The following NOPCHAP1 variants were observed in gnomAD, a reference collection of about 807,000 sequenced individuals.
NOPCHAP1 encodes NOP protein chaperone 1, also known as DNA damage-sensitive RNA 1.
NOPCHAP1 carries 13 observed loss-of-function variants against 14.0 expected under a neutral mutation model. The ratio of observed to expected loss-of-function variants is 0.93; its 90% CI spans 0.60 to 1.47. The LOEUF is 1.47. Among genes scored for constraint, NOPCHAP1 ranks in the 40% most tolerant of loss-of-function variants. The pLI, the probability that NOPCHAP1 is intolerant of heterozygous loss-of-function variation, is 0.00. For synonymous variants in NOPCHAP1, 78 were observed against 78.4 expected (o/e 1.00, Z 0.03); for missense variants, 230 against 226.9 (o/e 1.01, Z -0.09).
At position 105,007,998 on chromosome 12, in the gene NOPCHAP1, T is replaced by C. The variant is rs1428775773; in HGVS notation, c.*13302T>C. On this transcript the variant is annotated 3_prime_UTR_variant, in exon 4 of 4. Coordinates refer to ENST00000552951, the MANE Select transcript of NOPCHAP1 (RefSeq NM_152318.3). ...GTCTTTATAGTAGAATGATTTATAA[T>C]CCTTTGGATATATACCCAGTAATGG... 7 of 152,230 alleles carry C rather than the reference T, an allele frequency of 4.6e-5. No homozygotes were observed. Among genetic ancestry groups the C allele is most frequent in the African/African-American group, 1.7e-4 (7 of 41,458 alleles). 9.4% of individuals were successfully genotyped at this position (152,230 alleles called of 1,614,324 possible). A position where few individuals can be genotyped will look rare whatever the true frequency, so the allele number is the denominator to read the frequency against.
At chr12:104,989,570 G>T (rs1873327080) in intron 2 of NOPCHAP1, among the ~76,000 whole-genome samples, 1 of 152,106 alleles carries the variant, frequency 6.6e-6, no homozygotes, top group African/African-American at 2.4e-5. Context: ...TTCATTACTG[G>T]TTTTTACCGA....
chr12:104,996,577 A>T lies in NOPCHAP1; in HGVS notation c.*1881A>T, dbSNP rs950192698. 1 of 152,000 alleles carries T rather than the reference A, an allele frequency of 6.6e-6. No individual in the cohort carries two copies. The highest frequency in any genetic ancestry group is 6.6e-5 in the Admixed American group (1 of 15,264). The allele number at this position is 152,000 out of a possible 1,614,324, so 9.4% of individuals were successfully genotyped here. A position where few individuals can be genotyped will look rare whatever the true frequency, so the allele number is the denominator to read the frequency against. On this transcript the variant is annotated 3_prime_UTR_variant, in exon 4 of 4. Transcript: ENST00000552951. ...GGTTCCCTTCTTTGCATCCATGTGTACTCAACGTTTAGCTCCCACTAATAA... is the reference window on the plus strand; with the variant it reads ...GGTTCCCTTCTTTGCATCCATGTGTTCTCAACGTTTAGCTCCCACTAATAA...
intron 2 of NOPCHAP1, among the ~76,000 whole-genome samples, chr12:104,989,952 TC>T (rs1873335994): frequency 6.6e-6 from 1 of 152,228 alleles, no homozygotes; most frequent in South Asian, 2.1e-4. Context: ...ACTGTTTACA[TC>T]TTTTTTTCTT....
chr12:105,008,093 T>C lies in NOPCHAP1; in HGVS notation c.*13397T>C, dbSNP rs1440752135. Reference sequence around the variant, plus strand: ...ATTGCCACACTGTCTTCCACAATGGTTGAACTAATTTACAATCCCACCAAC... The same window carrying C: ...ATTGCCACACTGTCTTCCACAATGGCTGAACTAATTTACAATCCCACCAAC... On this transcript the variant is annotated 3_prime_UTR_variant, in exon 4 of 4. Transcript: ENST00000552951. The C allele has an allele frequency of 6.6e-6, 1 of 152,194 alleles. No individual in the cohort carries two copies. Among genetic ancestry groups the C allele is most frequent in the African/African-American group, 2.4e-5 (1 of 41,464 alleles). The allele number at this position is 152,194 out of a possible 1,614,324, so 9.4% of individuals were successfully genotyped here.
intron 3 of NOPCHAP1, among the ~76,000 whole-genome samples, chr12:104,992,870 G>A (rs1390856618): frequency 6.6e-6 from 1 of 152,138 alleles, no homozygotes; most frequent in Admixed American, 6.5e-5. Flanking sequence ...CAAGGTCCGT[G>A]GAAGAATTTT....
chr12:104,994,977 G>C lies in NOPCHAP1; in HGVS notation c.*281G>C, dbSNP rs1873468325. 2.6e-6 allele frequency: 1 copy of C among 378,534 alleles called. No individual in the cohort carries two copies. 23.4% of individuals were successfully genotyped at this position (378,534 alleles called of 1,614,324 possible). A position where few individuals can be genotyped will look rare whatever the true frequency, so the allele number is the denominator to read the frequency against. On this transcript the variant is annotated 3_prime_UTR_variant, in exon 4 of 4. Transcript: ENST00000552951. ...AGTAGAGTACAGGAATAACTTGATG[G>C]GTTACAGCTAGGTGTTTGCCTAAAT...
Position 104,994,452 on chromosome 12 carries a change from G to C in NOPCHAP1, c.340-26G>C, listed in dbSNP as rs754734271. On this transcript the variant is annotated intron_variant, in intron 3 of 3. Coordinates refer to ENST00000552951, the MANE Select transcript of NOPCHAP1 (RefSeq NM_152318.3). The stretch of plus-strand genomic sequence containing the variant: ...CTTTTTAAGGAACTGCTCTGAAATA[G>C]ATTTCCTGTCCACTACTTTTTGCAG... 3 of 1,592,652 alleles carry C rather than the reference G, an allele frequency of 1.9e-6. No homozygotes were observed. In the South Asian group the frequency reaches 3.3e-5, roughly 18 times the overall value.
chr12:104,997,784 C>T lies in NOPCHAP1; in HGVS notation c.*3088C>T, dbSNP rs569899404. On this transcript the variant is annotated 3_prime_UTR_variant, in exon 4 of 4. Transcript: ENST00000552951. Reference sequence around the variant, plus strand: ...TGGGGAAGTTTTCATCAGCGATATCCTGAAATATGTTTTCAAAGTTGCTTG... The same window carrying T: ...TGGGGAAGTTTTCATCAGCGATATCTTGAAATATGTTTTCAAAGTTGCTTG... 3.3e-4 allele frequency: 50 copies of T among 152,306 alleles called. No homozygotes were observed. The highest frequency in any genetic ancestry group is 1.2e-3 in the African/African-American group (50 of 41,570). 9.4% of individuals were successfully genotyped at this position (152,306 alleles called of 1,614,324 possible). A position where few individuals can be genotyped will look rare whatever the true frequency, so the allele number is the denominator to read the frequency against.
Position 105,005,285 on chromosome 12 carries a change from TCA to T in NOPCHAP1, c.*10592_*10593del, listed in dbSNP as rs1286448194. ...AGATTTGTTGAAATGAAAGTACACT[TCA>T]CAGAGTGGGAGCAGGCTCAAGCAAG... On this transcript the variant is annotated 3_prime_UTR_variant, in exon 4 of 4. Coordinates refer to ENST00000552951, the MANE Select transcript of NOPCHAP1 (RefSeq NM_152318.3). 6.6e-6 allele frequency: 1 copy of T among 152,250 alleles called. No individual in the cohort carries two copies. The highest frequency in any genetic ancestry group is 1.5e-5 in the Non-Finnish European group (1 of 68,046). 9.4% of individuals were successfully genotyped at this position (152,250 alleles called of 1,614,324 possible).
At position 105,016,792 on chromosome 12, in the gene NOPCHAP1, C is replaced by G. The variant is rs142619550; in HGVS notation, c.*22096C>G. ...AGATGAGATTTGGGTGGGGACACAG[C>G]CAAAACATATCAGTATGTTATGGCC... On this transcript the variant is annotated 3_prime_UTR_variant, in exon 4 of 4. Transcript: ENST00000552951. The G allele has an allele frequency of 6.6e-6, 1 of 152,100 alleles. No homozygotes were observed. Among genetic ancestry groups the G allele is most frequent in the Non-Finnish European group, 1.5e-5 (1 of 68,032 alleles). The allele number at this position is 152,100 out of a possible 1,614,324, so 9.4% of individuals were successfully genotyped here. A position where few individuals can be genotyped will look rare whatever the true frequency, so the allele number is the denominator to read the frequency against.
rs1204226187 is a variant in NOPCHAP1, at chr12:104,997,421, C to T, written c.*2725C>T. On this transcript the variant is annotated 3_prime_UTR_variant, in exon 4 of 4. Coordinates refer to ENST00000552951, the MANE Select transcript of NOPCHAP1 (RefSeq NM_152318.3). ...GAATGCTGAGGGTGTGGCACACCAG[C>T]ATGGCACATGTATACATATGTAACT... 1 of 152,182 alleles carries T rather than the reference C, an allele frequency of 6.6e-6. No individual in the cohort carries two copies. Among genetic ancestry groups the T allele is most frequent in the Non-Finnish European group, 1.5e-5 (1 of 68,042 alleles). 9.4% of individuals were successfully genotyped at this position (152,182 alleles called of 1,614,324 possible). A position where few individuals can be genotyped will look rare whatever the true frequency, so the allele number is the denominator to read the frequency against.
chr12:104,988,564 G>C (rs1166621614), intron 2 of NOPCHAP1, among the ~76,000 whole-genome samples: 3 of 152,084 alleles, frequency 2.0e-5, no homozygotes, highest in Non-Finnish European at 2.9e-5. Context: ...ATATATGGAT[G>C]GAAAACCACA....
At position 105,000,279 on chromosome 12, in the gene NOPCHAP1, A is replaced by C. The variant is rs1014830177; in HGVS notation, c.*5583A>C. ...CCTTTCAGTGAGTGTAGGCAAGCAA[A>C]TAGCAGTGACATTTAGAACATCAAG... On this transcript the variant is annotated 3_prime_UTR_variant, in exon 4 of 4. Coordinates refer to ENST00000552951, the MANE Select transcript of NOPCHAP1 (RefSeq NM_152318.3). The C allele has an allele frequency of 6.6e-6, 1 of 152,114 alleles. No homozygotes were observed. The highest frequency in any genetic ancestry group is 2.1e-4 in the South Asian group (1 of 4,824). The allele number at this position is 152,114 out of a possible 1,614,324, so 9.4% of individuals were successfully genotyped here. A position where few individuals can be genotyped will look rare whatever the true frequency, so the allele number is the denominator to read the frequency against.
Position 105,004,354 on chromosome 12 carries a change from A to T in NOPCHAP1, c.*9658A>T, listed in dbSNP as rs1873666993. ...GGGAGGCCAAGGTGGGCAGATCACG[A>T]GGTCAGGAGTTTGAGACCTGCCTGG... On this transcript the variant is annotated 3_prime_UTR_variant, in exon 4 of 4. Transcript: ENST00000552951. 6.6e-6 allele frequency: 1 copy of T among 152,164 alleles called. No homozygotes were observed. The allele number at this position is 152,164 out of a possible 1,614,324, so 9.4% of individuals were successfully genotyped here.
rs1283975335 is a variant in NOPCHAP1 at position 105,005,805 on chromosome 12, C to T, written c.*11109C>T. ...ATGTCTATACAGTACCAATCTTCTA[C>T]CATTTGCTTTAGTTTTAGTGTGTGT... is the stretch of plus-strand genomic sequence containing the variant. On this transcript the variant is annotated 3_prime_UTR_variant, in exon 4 of 4. Transcript: ENST00000552951. 1 of 152,222 alleles carries T rather than the reference C, an allele frequency of 6.6e-6. No individual in the cohort carries two copies. Among genetic ancestry groups the T allele is most frequent in the African/African-American group, 2.4e-5 (1 of 41,452 alleles). The allele number at this position is 152,222 out of a possible 1,614,324, so 9.4% of individuals were successfully genotyped here.
At chr12:104,988,382 G>A (rs1873294331) in intron 2 of NOPCHAP1, 129 bp downstream of exon 2, 1 of 599,964 alleles carries the variant, frequency 1.7e-6, no homozygotes, top group Non-Finnish European at 2.9e-6. Flanking sequence ...TCCTACTTGG[G>A]ATTTACATGA....
chr12:105,006,189 A>G lies in NOPCHAP1; in HGVS notation c.*11493A>G, dbSNP rs1348856133. ...TCTGGACACAGTTTTTTTCAGCACAAATTTATTGTTTCAGGCTTGATGGCT... is the reference window on the plus strand; with the variant it reads ...TCTGGACACAGTTTTTTTCAGCACAGATTTATTGTTTCAGGCTTGATGGCT... On this transcript the variant is annotated 3_prime_UTR_variant, in exon 4 of 4. Transcript: ENST00000552951. 6.6e-6 allele frequency: 1 copy of G among 152,112 alleles called. No individual in the cohort carries two copies. Among genetic ancestry groups the G allele is most frequent in the Non-Finnish European group, 1.5e-5 (1 of 68,006 alleles). 9.4% of individuals were successfully genotyped at this position (152,112 alleles called of 1,614,324 possible).
rs751312189 is a variant in NOPCHAP1, at chr12:104,994,449, A to G, written c.340-29A>G. On this transcript the variant is annotated intron_variant, in intron 3 of 3. Coordinates refer to ENST00000552951, the MANE Select transcript of NOPCHAP1 (RefSeq NM_152318.3). ...CGACTTTTTAAGGAACTGCTCTGAA[A>G]TAGATTTCCTGTCCACTACTTTTTG... 13 of 1,586,810 alleles carry G rather than the reference A, an allele frequency of 8.2e-6. No individual in the cohort carries two copies. The Admixed American group carries it at 2.2e-4, about 26-fold the overall frequency.
chr12:104,986,575 C>G, intron 1 of NOPCHAP1, 108 bp downstream of exon 1: 1 of 917,556 alleles, frequency 1.1e-6, no homozygotes. Context: ...TCCGTACCCT[C>G]GAGGGGAGCC....
Sources: allele counts gnomAD v4.1 joint callset (sites outside exome capture counted in the v4.1 genomes callset), GRCh38; gene constraint gnomAD v4.1.1; transcripts MANE v1.5; gene names NCBI Gene and HGNC (gene_info 2026-07-23, HGNC 2026-07-21).